The following P4HA2 variants were observed in gnomAD, a reference collection of about 807,000 sequenced individuals.
P4HA2 encodes the protein prolyl 4-hydroxylase subunit alpha-2.
In P4HA2, 46 loss-of-function variants were observed where a neutral mutation model predicts 76.9. The observed-to-expected ratio is 0.60, with a 90% CI of 0.47 to 0.76. The LOEUF (loss-of-function observed/expected upper bound fraction) is 0.76. Among genes scored for constraint, P4HA2 ranks in the 30% least tolerant of loss-of-function variants. The pLI is 0.00. For synonymous variants in P4HA2, 243 were observed against 254.0 expected, an observed-to-expected ratio of 0.96 and a Z score of 0.41; for missense variants, 583 against 669.4, an observed-to-expected ratio of 0.87 and a Z score of 1.42.
At chr5:132,222,912 C>G (rs1480712579) in intron 1 of P4HA2, among the ~76,000 whole-genome samples, 1 of 152,218 alleles carries the variant, frequency 6.6e-6, no homozygotes, top group Non-Finnish European at 1.5e-5. Flanking sequence ...CAGTCATAGT[C>G]TTGGCAGAGA....
intron 1 of P4HA2, 27 bp from the exon 2 acceptor site, chr5:132,218,671 G>T: frequency 4.2e-6 from 6 of 1,420,476 alleles, no homozygotes; most frequent in South Asian, 1.1e-5. Flanking sequence ...GACAATCACT[G>T]GATCAACAAA....
chr5:132,222,637 C>T (rs1202871713), intron 1 of P4HA2, among the ~76,000 whole-genome samples: 2 of 152,262 alleles, frequency 1.3e-5, no homozygotes, highest in African/African-American at 4.8e-5. Flanking sequence ...ACTGCCCTCT[C>T]TAGCCTCATC....
At chr5:132,222,451 C>T (rs1754776749) in intron 1 of P4HA2, among the ~76,000 whole-genome samples, 1 of 152,224 alleles carries the variant, frequency 6.6e-6, no homozygotes, top group Admixed American at 6.5e-5. Context: ...CCCCTACAGG[C>T]ATCCTGGCCC....
intron 10 of P4HA2, chr5:132,203,316 C>A (rs930654947): frequency 5.9e-6 from 1 of 168,668 alleles, no homozygotes; most frequent in Non-Finnish European, 1.3e-5. Flanking sequence ...GCTTTTGGAG[C>A]AACTTCAGTT....
intron 5 of P4HA2, among the ~76,000 whole-genome samples, chr5:132,212,464 C>G (rs1753217674): frequency 6.6e-6 from 1 of 152,082 alleles, no homozygotes; most frequent in South Asian, 2.1e-4. Context: ...AGGCTTCTGG[C>G]TTAGGCAGCC....
intron 4 of P4HA2, 69 bp downstream of exon 4, chr5:132,217,128 G>C: frequency 1.3e-6 from 2 of 1,486,682 alleles, no homozygotes; most frequent in South Asian, 2.5e-5. Flanking sequence ...GACAGGCTCA[G>C]ACACAACAAC....
At chr5:132,211,576 G>T (rs1753096397) in intron 5 of P4HA2, among the ~76,000 whole-genome samples, 1 of 152,166 alleles carries the variant, frequency 6.6e-6, no homozygotes, top group Non-Finnish European at 1.5e-5. Context: ...ATAGGAAGTT[G>T]GGGACAGTAA....
At chr5:132,225,963 C>T (rs1755333794) in intron 1 of P4HA2, among the ~76,000 whole-genome samples, 1 of 152,138 alleles carries the variant, frequency 6.6e-6, no homozygotes, top group African/African-American at 2.4e-5. Context: ...GGCTGGGCCA[C>T]ACAGTGGACA....
Position 132,212,494 on chromosome 5 carries a change from T to C in P4HA2, c.469+1422A>G, listed in dbSNP as rs185931241. Among the ~76,000 whole-genome samples the C allele has an allele frequency of 2.6e-3, 393 of 152,224 alleles. 2 individuals carry two copies. The highest frequency in any genetic ancestry group is 8.0e-3 in the African/African-American group (332 of 41,526). ...GCAGCCAGAGGATGGAGGTCCTTTT[T>C]GCTGAGATAGAAGGATGAGGGGGAA... On this transcript the variant is annotated intron_variant, in intron 5 of 14. Coordinates refer to ENST00000360568, the MANE Select transcript of P4HA2 (RefSeq NM_001017974.2).
intron 8 of P4HA2, among the ~76,000 whole-genome samples, chr5:132,207,144 C>G (rs528767840): frequency 2.0e-5 from 3 of 151,976 alleles, no homozygotes; most frequent in African/African-American, 7.3e-5. Flanking sequence ...AATAATGTAA[C>G]CAGTTAAAAA....
At chr5:132,203,042 A>G (rs1035149105) in intron 10 of P4HA2, among the ~76,000 whole-genome samples, 1 of 152,226 alleles carries the variant, frequency 6.6e-6, no homozygotes, top group Non-Finnish European at 1.5e-5. Context: ...GTTGTTGCCC[A>G]TAACACTGAA....
Position 132,218,949 on chromosome 5 carries a change from G to A in P4HA2, c.-18-305C>T, listed in dbSNP as rs559317475. 2.0e-5 allele frequency among the ~76,000 whole-genome samples: 3 copies of A among 152,246 alleles called. No individual in the cohort carries two copies. The South Asian group carries it at 6.2e-4, about 32-fold the overall frequency. ...AATCGCAGTGGGGTACAGTCAGCTC[G>A]GGTTCCAATGGTCTGTCAGTCCAAG... On this transcript the variant is annotated intron_variant, in intron 1 of 14. Transcript: ENST00000360568.
In P4HA2 at chr5:132,213,933, GA is replaced by G; in HGVS notation, c.451del (p.Ser151ProfsTer14). ...TGAGTTACCTGGAAGTTCCCCTCTG[GA>G]AATTGTGCCTGGGTCCAGCCTGTAT... ...DTYRLDPGTI[S>X]RGELPGTKYQ... is the part of the protein sequence containing the mutation. On this transcript the variant is annotated frameshift_variant, in exon 5 of 15. Coordinates refer to ENST00000360568, the MANE Select transcript of P4HA2 (RefSeq NM_001017974.2). LOFTEE classifies it high-confidence loss of function. 1 of 1,614,160 alleles carries G rather than the reference GA, an allele frequency of 6.2e-7. No individual in the cohort carries two copies. Among genetic ancestry groups the G allele is most frequent in the African/African-American group, 1.3e-5 (1 of 75,060 alleles).
chr5:132,196,953 T>C (rs1041501467), intron 12 of P4HA2, among the ~76,000 whole-genome samples: 1 of 151,502 alleles, frequency 6.6e-6, no homozygotes, highest in African/African-American at 2.4e-5. Flanking sequence ...AGACCACATA[T>C]GTTCTGCTCA....
intron 1 of P4HA2, among the ~76,000 whole-genome samples, chr5:132,223,720 C>A (rs1458602870): frequency 6.6e-6 from 1 of 152,182 alleles, no homozygotes; most frequent in African/African-American, 2.4e-5. Context: ...CTATCTAATT[C>A]TCACCCAAAC....
rs779161831 is a variant in P4HA2, at chr5:132,192,888, T to A, written c.*122A>T. 4 of 719,718 alleles carry A rather than the reference T, an allele frequency of 5.6e-6. No individual in the cohort carries two copies. Among genetic ancestry groups the A allele is most frequent in the Non-Finnish European group, 1.0e-5 (4 of 392,530 alleles). 44.6% of individuals were successfully genotyped at this position (719,718 alleles called of 1,614,324 possible). A position where few individuals can be genotyped will look rare whatever the true frequency, so the allele number is the denominator to read the frequency against. On this transcript the variant is annotated 3_prime_UTR_variant, in exon 15 of 15. Transcript: ENST00000360568. Reference sequence around the variant, plus strand: ...TCGCCCTAGTATGGTCTCCCTCTGCTCCAGACAAACATTCATTTCTCCAAA... The same window carrying A: ...TCGCCCTAGTATGGTCTCCCTCTGCACCAGACAAACATTCATTTCTCCAAA...
intron 7 of P4HA2, 89 bp downstream of exon 7, chr5:132,209,049 G>T: frequency 1.1e-6 from 1 of 926,390 alleles, no homozygotes; most frequent in South Asian, 1.6e-5. Flanking sequence ...AGTACCTACA[G>T]AATAAAGAAC....
At chr5:132,205,601 G>A (rs1250054119) in intron 8 of P4HA2, among the ~76,000 whole-genome samples, 1 of 152,206 alleles carries the variant, frequency 6.6e-6, no homozygotes, top group African/African-American at 2.4e-5. Context: ...GGTGGCCCGG[G>A]CCAGGTGGTG....
rs1479741237 is a variant in P4HA2 at position 132,205,792 on chromosome 5, G to A, written c.1081-1640C>T. Reference sequence around the variant, plus strand: ...CTTCAGCTCATGTCAGTCCCTCCCTGAAAACTGCAGCCACAGCCAGACCCC... The same window carrying A: ...CTTCAGCTCATGTCAGTCCCTCCCTAAAAACTGCAGCCACAGCCAGACCCC... On this transcript the variant is annotated intron_variant, in intron 8 of 14. Coordinates refer to ENST00000360568, the MANE Select transcript of P4HA2 (RefSeq NM_001017974.2). Among the ~76,000 whole-genome samples, 4 of 152,242 alleles carry A rather than the reference G, an allele frequency of 2.6e-5. No individual in the cohort carries two copies. The East Asian group carries it at 7.7e-4, about 29-fold the overall frequency.
Sources: allele counts gnomAD v4.1 joint callset (sites outside exome capture counted in the v4.1 genomes callset), GRCh38; gene constraint gnomAD v4.1.1; transcripts MANE v1.5; gene names NCBI Gene and HGNC (gene_info 2026-07-23, HGNC 2026-07-21).